ZNF729: variants seen among roughly 807,000 people sequenced by gnomAD.
The protein encoded by ZNF729 is zinc finger protein 729.
In ZNF729, 15 loss-of-function variants were observed where a neutral mutation model predicts 12.2. The observed-to-expected ratio is 1.23, with a 90% CI of 0.82 to 1.89. ZNF729 has a LOEUF of 1.89. Among genes scored for constraint, ZNF729 ranks in the 40% most tolerant of loss-of-function variants. The pLI is 0.00. For missense variants in ZNF729, 1,540 were observed against 1,456.7 expected (o/e 1.06, Z -0.93); for synonymous variants, 492 against 476.3 (o/e 1.03, Z -0.43).
At chr19:22,293,164 C>G (rs547971140) in intron 1 of ZNF729, among the ~76,000 whole-genome samples, 1 of 152,078 alleles carries the variant, frequency 6.6e-6, no homozygotes, top group Non-Finnish European at 1.5e-5. Flanking sequence ...TTTTGAAAAA[C>G]ATTTGTTCAT....
intron 1 of ZNF729, among the ~76,000 whole-genome samples, chr19:22,289,598 T>G (rs1247183578): frequency 6.6e-6 from 1 of 152,152 alleles, no homozygotes; most frequent in Admixed American, 6.5e-5. Context: ...GCTGGGTGTT[T>G]TTAAACAATT....
chr19:22,288,340 C>T (rs1968108760), intron 1 of ZNF729, among the ~76,000 whole-genome samples: 1 of 149,742 alleles, frequency 6.7e-6, no homozygotes. Context: ...CTCCTAGGCC[C>T]ACAGATTTTA....
At chr19:22,288,874 GA>G (rs111427625) in intron 1 of ZNF729, among the ~76,000 whole-genome samples, 7 of 150,274 alleles carry the variant, frequency 4.7e-5, no homozygotes, top group African/African-American at 1.7e-4. Flanking sequence ...TATCCCAAAA[GA>G]AAAAAAAACA....
chr19:22,301,882 G>A (rs554051548), intron 1 of ZNF729, among the ~76,000 whole-genome samples: 28 of 152,418 alleles, frequency 1.8e-4, no homozygotes, highest in Admixed American at 3.3e-4. Flanking sequence ...CAGAAGAGGT[G>A]ATCTAGATTC....
chr19:22,302,449 T>C (rs1464694658), intron 1 of ZNF729, among the ~76,000 whole-genome samples: 1 of 152,294 alleles, frequency 6.6e-6, no homozygotes, highest in East Asian at 1.9e-4. Flanking sequence ...CTTGAAGGGA[T>C]GTTTATGTTT....
chr19:22,313,397 G>GA (rs1968475140), intron 3 of ZNF729, among the ~76,000 whole-genome samples: 1 of 152,216 alleles, frequency 6.6e-6, no homozygotes, highest in Non-Finnish European at 1.5e-5. Context: ...GTAGCAGGAA[G>GA]AGCTGCATTG....
intron 1 of ZNF729, among the ~76,000 whole-genome samples, chr19:22,297,944 G>T (rs562409694): frequency 5.6e-5 from 8 of 142,736 alleles, no homozygotes; most frequent in Non-Finnish European, 1.0e-4. Flanking sequence ...GGTGGAGGTT[G>T]CAGTGAGCCG....
chr19:22,312,477 T>TGTGTGTGTGTGTGTGTGTG (rs1491132977), intron 3 of ZNF729, among the ~76,000 whole-genome samples: 5 of 147,260 alleles, frequency 3.4e-5, no homozygotes, highest in African/African-American at 7.5e-5. Context: ...TGTGTGTGTG[T>TGTGTGTGTGTGTGTGTGTG]TTAGATAAAG....
chr19:22,311,864 G>T (rs967167532), intron 3 of ZNF729, among the ~76,000 whole-genome samples: 2 of 152,034 alleles, frequency 1.3e-5, no homozygotes, highest in African/African-American at 2.4e-5. Flanking sequence ...TTATAAATTT[G>T]GGAGCTCCAG....
intron 1 of ZNF729, among the ~76,000 whole-genome samples, chr19:22,301,025 T>C (rs1968297843): frequency 6.6e-6 from 1 of 152,068 alleles, no homozygotes; most frequent in Non-Finnish European, 1.5e-5. Context: ...AGCAGAATTA[T>C]GTTTCTCTTT....
intron 2 of ZNF729, 116 bp from the exon 3 acceptor site, chr19:22,304,572 T>C: frequency 1.1e-6 from 1 of 885,580 alleles, no homozygotes; most frequent in Non-Finnish European, 1.7e-6. Context: ...GAAATGTATG[T>C]TATAAATTAG....
intron 1 of ZNF729, among the ~76,000 whole-genome samples, chr19:22,288,984 A>G (rs1180687510): frequency 6.6e-6 from 1 of 152,082 alleles, no homozygotes; most frequent in Admixed American, 6.6e-5. Context: ...GTTATTGGGC[A>G]CTTAAGTGAG....
chr19:22,291,789 A>C (rs924209161), intron 1 of ZNF729, among the ~76,000 whole-genome samples: 13 of 152,202 alleles, frequency 8.5e-5, no homozygotes, highest in African/African-American at 3.1e-4. Flanking sequence ...GCTAGAGTGC[A>C]GTGGCACGAT....
intron 3 of ZNF729, among the ~76,000 whole-genome samples, chr19:22,312,139 T>C (rs1421684714): frequency 4.6e-5 from 7 of 152,192 alleles, no homozygotes; most frequent in Middle Eastern, 3.2e-3. Flanking sequence ...TTTATAGTGA[T>C]CTGTGTTCCT....
chr19:22,289,788 C>A (rs1334270766), intron 1 of ZNF729, among the ~76,000 whole-genome samples: 3 of 152,080 alleles, frequency 2.0e-5, no homozygotes, highest in Admixed American at 2.0e-4. Context: ...CCGTGAATAT[C>A]TCTATTCTAT....
chr19:22,316,009 C>G lies in ZNF729; in HGVS notation c.2592C>G (p.Ser864=), dbSNP rs898060914. The change falls in exon 4 of 4, where the codon TCC becomes TCG. Residue 864 remains serine, a synonymous_variant. Transcript: ENST00000601693. The stretch of plus-strand genomic sequence containing the variant: ...AATGTGGCAAAGCTTTTAGCCAATC[C>G]TCATCCCTTAGAAAACATGAGATAA... ...CEECGKAFSQ[S]SSLRKHEIIH... The G allele has an allele frequency of 6.8e-6, 11 of 1,610,426 alleles. No homozygotes were observed. Among genetic ancestry groups the G allele is most frequent in the Admixed American group, 6.7e-5 (4 of 59,868 alleles).
At chr19:22,288,308 A>G (rs995740272) in intron 1 of ZNF729, among the ~76,000 whole-genome samples, 5 of 136,376 alleles carry the variant, frequency 3.7e-5, no homozygotes, top group Non-Finnish European at 6.2e-5. Flanking sequence ...AAGTCTTTGT[A>G]CTGTTTTTTT....
At chr19:22,294,921 T>C (rs1422337438) in intron 1 of ZNF729, among the ~76,000 whole-genome samples, 2 of 151,996 alleles carry the variant, frequency 1.3e-5, no homozygotes, top group Non-Finnish European at 2.9e-5. Context: ...CTTCCCAAAG[T>C]GCTGAGATTA....
Position 22,286,595 on chromosome 19 carries a change from G to C in ZNF729, c.30+40G>C. ...TCCGACATCCCGAGAAGGGGAAGGG[G>C]CTGATTGGAACCGGTGGGAAGTGGC... On this transcript the variant is annotated intron_variant, in intron 1 of 3. Coordinates refer to ENST00000601693, the MANE Select transcript of ZNF729 (RefSeq NM_001242680.2). 1.9e-6 allele frequency: 3 copies of C among 1,612,922 alleles called. No individual in the cohort carries two copies. The South Asian group carries it at 3.3e-5, about 18-fold the overall frequency.
Sources: gnomAD v4.1 joint callset for allele counts (sites outside exome capture counted in the v4.1 genomes callset) on GRCh38, gnomAD v4.1.1 for gene constraint, MANE v1.5 for transcripts, NCBI Gene and HGNC (gene_info 2026-07-23, HGNC 2026-07-21) for gene names.